Variants in ABCA9 observed in about 807,000 individuals in gnomAD.
ABCA9 encodes ATP binding cassette subfamily A member 9.
In ABCA9, 183 loss-of-function variants were observed where a neutral mutation model predicts 205.3. The observed-to-expected ratio is 0.89, with a 90% CI of 0.79 to 1.01. ABCA9 has a LOEUF of 1.01. Among genes scored for constraint, ABCA9 ranks in the 50% least tolerant of loss-of-function variants. ABCA9 has a pLI of 0.00. For missense variants in ABCA9, 1,805 were observed against 1,912.4 expected (o/e 0.94, Z 1.05); for synonymous variants, 651 against 683.3 (o/e 0.95, Z 0.74).
chr17:69,064,410 T>C (rs2072321981), upstream of ABCA9, among the ~76,000 whole-genome samples: 1 of 152,220 alleles, frequency 6.6e-6, no homozygotes. Flanking sequence ...TTCTCCCCCA[T>C]CTTCCTGCTC....
In ABCA9 at chr17:69,022,771, G is replaced by A. The variant is rs573826153; in HGVS notation, c.2282-910C>T. 3.0e-3 allele frequency among the ~76,000 whole-genome samples: 462 copies of A among 152,246 alleles called. 3 individuals carry two copies. Among genetic ancestry groups the A allele is most frequent in the African/African-American group, 0.01 (424 of 41,554 alleles). ...CTCTTTCAACTTCTGACCATGGTGT[G>A]AAAATTCAGGAAAACTGAAAGGTGG... On this transcript the variant is annotated intron_variant, in intron 17 of 38. Coordinates refer to ENST00000340001, the MANE Select transcript of ABCA9 (RefSeq NM_080283.4).
intron 6 of ABCA9, among the ~76,000 whole-genome samples, chr17:69,037,358 A>G (rs1331520533): frequency 1.3e-5 from 2 of 152,222 alleles, no homozygotes; most frequent in Non-Finnish European, 2.9e-5. Context: ...AAATCATAAC[A>G]AACAGTTTCT....
chr17:69,056,202 A>G (rs955700146), intron 1 of ABCA9, among the ~76,000 whole-genome samples: 1 of 152,172 alleles, frequency 6.6e-6, no homozygotes. Context: ...CAGGAAATCA[A>G]TAGATAAAAA....
Position 69,017,803 on chromosome 17 carries a change from A to G in ABCA9, c.2768-14T>C. 1 of 1,611,216 alleles carries G rather than the reference A, an allele frequency of 6.2e-7. No homozygotes were observed. The highest frequency in any genetic ancestry group is 8.5e-7 in the Non-Finnish European group (1 of 1,178,394). On this transcript the variant is annotated splice_polypyrimidine_tract_variant and intron_variant, in intron 20 of 38. Transcript: ENST00000340001. ...CAATGGTTGACCCTACATGAAGGCAAAGATTAAAGGAAGCAAAAATGAAAT... is the reference window on the plus strand; with the variant it reads ...CAATGGTTGACCCTACATGAAGGCAGAGATTAAAGGAAGCAAAAATGAAAT...
chr17:69,002,016 T>G (rs1245140950), intron 25 of ABCA9, among the ~76,000 whole-genome samples: 1 of 152,050 alleles, frequency 6.6e-6, no homozygotes, highest in Non-Finnish European at 1.5e-5. Context: ...CTTTTTTTCT[T>G]TATTAATCTT....
chr17:69,045,298 C>T lies in ABCA9; in HGVS notation c.343G>A (p.Asp115Asn). The change falls in exon 4 of 39, where the codon GAT (aspartate) becomes AAT (asparagine). Residue 115 changes from aspartate to asparagine, a missense_variant. Coordinates refer to ENST00000340001, the MANE Select transcript of ABCA9 (RefSeq NM_080283.4). ...IMGWPDEKSM[D>N]ELDLNYSIDA... ...ATTGAATAGTTCAAATCCAATTCAT[C>T]CATGCTTTTTTCATCAGGCCACCCC... 1 of 1,611,940 alleles carries T rather than the reference C, an allele frequency of 6.2e-7. No homozygotes were observed. Among genetic ancestry groups the T allele is most frequent in the Non-Finnish European group, 8.5e-7 (1 of 1,178,936 alleles).
intron 12 of ABCA9, 50 bp from the exon 13 acceptor site, chr17:69,027,865 A>G (rs1311011570): frequency 1.4e-6 from 2 of 1,413,136 alleles, no homozygotes; most frequent in East Asian, 2.3e-5. Context: ...GTCATGCTTC[A>G]TTGAAGATCT....
chr17:69,061,039 T>C, upstream of ABCA9: 1 of 985,448 alleles, frequency 1.0e-6, no homozygotes, highest in Non-Finnish European at 1.2e-6. Context: ...TGGTCTCAGT[T>C]CAGCTAGCCT....
At chr17:69,036,049 C>G (rs2071328423) in intron 6 of ABCA9, among the ~76,000 whole-genome samples, 1 of 152,090 alleles carries the variant, frequency 6.6e-6, no homozygotes, top group South Asian at 2.1e-4. Context: ...ATGGATGTCA[C>G]TGGGAGAGGT....
At chr17:68,998,155 A>G (rs1331660438) in intron 25 of ABCA9, among the ~76,000 whole-genome samples, 1 of 152,156 alleles carries the variant, frequency 6.6e-6, no homozygotes, top group Non-Finnish European at 1.5e-5. Context: ...CATTGTCTGG[A>G]TGTAACACAG....
At chr17:69,016,753 T>C (rs1275831622) in intron 21 of ABCA9, among the ~76,000 whole-genome samples, 1 of 152,116 alleles carries the variant, frequency 6.6e-6, no homozygotes, top group East Asian at 1.9e-4. Context: ...AAGTATATAA[T>C]GTTTGGATAC....
intron 19 of ABCA9, 112 bp downstream of exon 19, chr17:69,020,276 G>T: frequency 1.0e-6 from 1 of 995,386 alleles, no homozygotes; most frequent in Admixed American, 2.9e-5. Flanking sequence ...TTGTTTAAAA[G>T]ACAATGTGCA....
chr17:69,074,129 C>T, the ABCA9 span, among the ~76,000 whole-genome samples: 24 of 152,250 alleles, frequency 1.6e-4, no homozygotes, highest in African/African-American at 5.5e-4. Context: ...CTGGTGAGAA[C>T]TATTCTACCA....
chr17:69,017,931 T>C (rs2070680428), intron 20 of ABCA9, 142 bp from the exon 21 acceptor site: 3 of 883,748 alleles, frequency 3.4e-6, no homozygotes, highest in Non-Finnish European at 3.4e-6. Context: ...ATTGATGTTC[T>C]GGTACAACAA....
Position 69,012,574 on chromosome 17 carries a change from C to G in ABCA9, c.3040-491G>C, listed in dbSNP as rs113548188. Reference sequence around the variant, plus strand: ...AGAGGATCTTGAGTTTTGCTACAAGCCTTAATTTTGAAAAAAAAATTTAAA... The same window carrying G: ...AGAGGATCTTGAGTTTTGCTACAAGGCTTAATTTTGAAAAAAAAATTTAAA... On this transcript the variant is annotated intron_variant, in intron 22 of 38. Transcript: ENST00000340001. Among the ~76,000 whole-genome samples, 629 of 151,534 alleles carry G rather than the reference C, an allele frequency of 4.2e-3. 6 individuals are homozygous for G. Among genetic ancestry groups the G allele is most frequent in the African/African-American group, 0.015 (606 of 41,300 alleles).
At chr17:69,041,456 C>T (rs2071533918) in intron 6 of ABCA9, among the ~76,000 whole-genome samples, 1 of 152,108 alleles carries the variant, frequency 6.6e-6, no homozygotes, top group African/African-American at 2.4e-5. Flanking sequence ...GTAATCACAG[C>T]ACTTTGGGAG....
the ABCA9 span, among the ~76,000 whole-genome samples, chr17:69,075,789 A>G: frequency 6.6e-6 from 1 of 152,134 alleles, no homozygotes; most frequent in African/African-American, 2.4e-5. Context: ...ATAGTTTGGT[A>G]GAAATAGTGT....
intron 25 of ABCA9, among the ~76,000 whole-genome samples, chr17:69,004,264 C>G (rs1320647318): frequency 6.6e-6 from 1 of 152,136 alleles, no homozygotes; most frequent in Non-Finnish European, 1.5e-5. Context: ...TACTTTTGGT[C>G]TTTGATGATG....
intron 21 of ABCA9, 24 bp from the exon 22 acceptor site, chr17:69,016,414 C>A: frequency 1.3e-6 from 2 of 1,549,458 alleles, no homozygotes; most frequent in South Asian, 1.2e-5. Context: ...AGTACCAATT[C>A]GAAGTCTTCA....
Sources: allele counts gnomAD v4.1 joint callset (sites outside exome capture counted in the v4.1 genomes callset), GRCh38; gene constraint gnomAD v4.1.1; transcripts MANE v1.5; gene names NCBI Gene and HGNC (gene_info 2026-07-23, HGNC 2026-07-21).